ARHGAP19: variants seen among roughly 807,000 people sequenced by gnomAD.
ARHGAP19 encodes rho GTPase-activating protein 19.
In ARHGAP19, 48 loss-of-function variants were observed where a neutral mutation model predicts 60.9. That is an observed-to-expected ratio of 0.79 (90% CI 0.62 to 1.00). The LOEUF (loss-of-function observed/expected upper bound fraction) is 1.00. Among genes scored for constraint, ARHGAP19 ranks in the 50% least tolerant of loss-of-function variants. The pLI is 0.00. For synonymous variants in ARHGAP19, 209 were observed against 215.5 expected (o/e 0.97, Z 0.27); for missense variants, 562 against 597.2 (o/e 0.94, Z 0.61).
At chr10:97,246,796 T>A (rs1842569812) in intron 6 of ARHGAP19, among the ~76,000 whole-genome samples, 1 of 151,756 alleles carries the variant, frequency 6.6e-6, no homozygotes, top group Non-Finnish European at 1.5e-5. Context: ...ACTCCAGGAG[T>A]TTGAGACCAG....
At chr10:97,260,995 T>C (rs1842823400) in intron 4 of ARHGAP19, among the ~76,000 whole-genome samples, 1 of 151,456 alleles carries the variant, frequency 6.6e-6, no homozygotes, top group Non-Finnish European at 1.5e-5. Flanking sequence ...TCACTCCACT[T>C]TTCCCCACTC....
intron 1 of ARHGAP19, among the ~76,000 whole-genome samples, chr10:97,285,726 G>A (rs1387256021): frequency 6.6e-6 from 1 of 151,942 alleles, no homozygotes; most frequent in Non-Finnish European, 1.5e-5. Flanking sequence ...CACCATGTTG[G>A]CCAGGCTAGT....
chr10:97,249,576 A>C (rs1475199225), intron 6 of ARHGAP19, among the ~76,000 whole-genome samples: 4 of 152,166 alleles, frequency 2.6e-5, no homozygotes, highest in Non-Finnish European at 5.9e-5. Flanking sequence ...TCTACAACAC[A>C]GTTAACTTGA....
In ARHGAP19 at chr10:97,259,449, A is replaced by G. The variant is rs1842798206; in HGVS notation, c.793T>C (p.Tyr265His). 6.2e-7 allele frequency: 1 copy of G among 1,614,202 alleles called. No homozygotes were observed. The highest frequency in any genetic ancestry group is 1.3e-5 in the African/African-American group (1 of 75,064). ...GGTGCAAACATAAGGGCAAGGTTATAGGCTGACATCTTGTTCTTGTCTTGT... is the reference window on the plus strand; with the variant it reads ...GGTGCAAACATAAGGGCAAGGTTATGGGCTGACATCTTGTTCTTGTCTTGT... The part of the protein sequence containing the change: ...KKQDKNKMSA[Y>H]NLALMFAPHV... Residue 265 changes from tyrosine (Y) to histidine (H), a missense_variant, in exon 5 of 12, where the codon TAT (tyrosine) becomes CAT (histidine). Tyr to His is a moderately conservative substitution (Grantham distance 83). Transcript: ENST00000358531.
At chr10:97,247,966 C>CT (rs377506718) in intron 6 of ARHGAP19, among the ~76,000 whole-genome samples, 112,891 of 135,030 alleles carry the variant, frequency 0.84, 49,092 homozygotes, top group Non-Finnish European at 0.95. Context: ...GTGGTTTTGA[C>CT]TTTTTTTTTT....
chr10:97,233,917 G>T (rs1471588413), intron 9 of ARHGAP19, among the ~76,000 whole-genome samples: 1 of 150,410 alleles, frequency 6.6e-6, no homozygotes, highest in Non-Finnish European at 1.5e-5. Context: ...CACAGGGAGG[G>T]GAACAACACA....
intron 1 of ARHGAP19, among the ~76,000 whole-genome samples, chr10:97,279,077 CT>C (rs1414572177): frequency 6.6e-6 from 1 of 152,152 alleles, no homozygotes; most frequent in African/African-American, 2.4e-5. Flanking sequence ...AAATGTGTCA[CT>C]TTGTTGGAAA....
Position 97,235,240 on chromosome 10 carries a change from G to A in ARHGAP19, c.1261C>T (p.Arg421Cys), listed in dbSNP as rs773852078. 17 of 1,613,470 alleles carry A rather than the reference G, an allele frequency of 1.1e-5. No individual in the cohort carries two copies. Among genetic ancestry groups the A allele is most frequent in the African/African-American group, 6.7e-5 (5 of 74,888 alleles). ...ACCTTAATAAGCCCACTGAAGGAGC[G>A]CGAACGAGCCCTCTTTTGTACCTGG... ...TSQVQKRARS[R>C]SFSGLIKRKV... The change falls in exon 9 of 12, where the codon CGC becomes TGC. Residue 421 changes from arginine (R) to cysteine (C), a missense_variant. By Grantham distance (180) the Arg-to-Cys change is radical (BLOSUM62 -3). Coordinates refer to ENST00000358531, the MANE Select transcript of ARHGAP19 (RefSeq NM_032900.6).
At chr10:97,245,668 C>G (rs968482955) in intron 7 of ARHGAP19, among the ~76,000 whole-genome samples, 11 of 151,098 alleles carry the variant, frequency 7.3e-5, no homozygotes, top group African/African-American at 2.2e-4. Flanking sequence ...ATTTCCCTAT[C>G]TATCTAAGCT....
intron 1 of ARHGAP19, among the ~76,000 whole-genome samples, chr10:97,289,672 C>CA (rs1014390428): frequency 1.3e-5 from 2 of 151,174 alleles, no homozygotes; most frequent in African/African-American, 2.4e-5. Flanking sequence ...CCGGTTTCTA[C>CA]AAAAAAACAA....
At chr10:97,259,805 C>T (rs567471418) in intron 4 of ARHGAP19, among the ~76,000 whole-genome samples, 177 bp from the exon 5 acceptor site, 2 of 135,154 alleles carry the variant, frequency 1.5e-5, no homozygotes, top group South Asian at 4.8e-4. Flanking sequence ...CAATGCAATT[C>T]AACAATAAAA....
chr10:97,231,465 C>T (rs923946594), intron 9 of ARHGAP19, among the ~76,000 whole-genome samples: 2 of 152,172 alleles, frequency 1.3e-5, no homozygotes, highest in Admixed American at 6.5e-5. Flanking sequence ...TCTCCCCATT[C>T]TCCTCATACT....
At chr10:97,282,544 T>C (rs1297435170) in intron 1 of ARHGAP19, among the ~76,000 whole-genome samples, 1 of 151,574 alleles carries the variant, frequency 6.6e-6, no homozygotes, top group Non-Finnish European at 1.5e-5. Flanking sequence ...AATATGAATG[T>C]GTAAGTCTGT....
chr10:97,290,146 T>C (rs1843211711), intron 1 of ARHGAP19, among the ~76,000 whole-genome samples: 1 of 152,214 alleles, frequency 6.6e-6, no homozygotes, highest in Non-Finnish European at 1.5e-5. Context: ...TTCACTCTAT[T>C]TCACTCTATT....
In ARHGAP19 at chr10:97,225,213, G is replaced by A. The variant is rs1321174386; in HGVS notation, c.*909C>T. On this transcript the variant is annotated 3_prime_UTR_variant, in exon 12 of 12. Transcript: ENST00000358531. ...TTAGCAAACTTCTCTTATGCTGTCA[G>A]TGACTTTCCTTGAGTCACAGTGATT... 2.0e-5 allele frequency: 3 copies of A among 152,212 alleles called. No individual in the cohort carries two copies. Among genetic ancestry groups the A allele is most frequent in the Non-Finnish European group, 4.4e-5 (3 of 68,046 alleles). 9.4% of individuals were successfully genotyped at this position (152,212 alleles called of 1,614,324 possible). A position where few individuals can be genotyped will look rare whatever the true frequency, so the allele number is the denominator to read the frequency against.
chr10:97,260,892 G>A (rs909854862), intron 4 of ARHGAP19, among the ~76,000 whole-genome samples: 2 of 143,874 alleles, frequency 1.4e-5, no homozygotes, highest in African/African-American at 5.2e-5. Context: ...CCAGGAGTTC[G>A]AGACCAGCCT....
intron 1 of ARHGAP19, among the ~76,000 whole-genome samples, chr10:97,291,712 C>T (rs1362058302): frequency 6.6e-6 from 1 of 152,168 alleles, no homozygotes; most frequent in Non-Finnish European, 1.5e-5. Flanking sequence ...ACAAATGGAA[C>T]CAAAAGACGC....
chr10:97,251,155 C>A (rs1453681848), intron 6 of ARHGAP19, among the ~76,000 whole-genome samples: 5 of 57,878 alleles, frequency 8.6e-5, no homozygotes, highest in Admixed American at 2.5e-4. Flanking sequence ...AGGGGAAAGC[C>A]AAGGGGAAGG....
At chr10:97,290,824 C>A (rs370568054) in intron 1 of ARHGAP19, among the ~76,000 whole-genome samples, 12 of 152,210 alleles carry the variant, frequency 7.9e-5, no homozygotes, top group Admixed American at 7.2e-4. Flanking sequence ...GCAACCCTCC[C>A]GAGGAAATCT....
Sources: gnomAD v4.1 joint callset for allele counts (sites outside exome capture counted in the v4.1 genomes callset) on GRCh38, gnomAD v4.1.1 for gene constraint, MANE v1.5 for transcripts, NCBI Gene and HGNC (gene_info 2026-07-23, HGNC 2026-07-21) for gene names.